The following MACROD2 variants were observed in gnomAD, a reference collection of about 807,000 sequenced individuals.
MACROD2 encodes mono-ADP ribosylhydrolase 2.
MACROD2 carries 36 observed loss-of-function variants against 70.4 expected under a neutral mutation model. That is an observed-to-expected ratio of 0.51 (90% CI 0.39 to 0.68). MACROD2 has a LOEUF of 0.68. MACROD2 is among the 30% of genes least tolerant of loss of function. MACROD2 has a pLI of 0.00. For synonymous variants in MACROD2, 172 were observed against 178.8 expected (o/e 0.96, Z 0.30); for missense variants, 496 against 538.4 (o/e 0.92, Z 0.78).
At chr20:14,190,264 T>G (rs1304800498) in intron 3 of MACROD2, among the ~76,000 whole-genome samples, 1 of 152,204 alleles carries the variant, frequency 6.6e-6, no homozygotes, top group Non-Finnish European at 1.5e-5. Context: ...AGTTCTTTTA[T>G]TTACCAATGA....
At chr20:15,293,455 C>T (rs774823607) in intron 6 of MACROD2, among the ~76,000 whole-genome samples, 24 of 152,272 alleles carry the variant, frequency 1.6e-4, no homozygotes, top group Middle Eastern at 3.4e-3. Flanking sequence ...ATCAGCACTT[C>T]GGACACTTCT....
intron 5 of MACROD2, among the ~76,000 whole-genome samples, chr20:14,979,653 C>T (rs2074778851): frequency 6.6e-6 from 1 of 152,160 alleles, no homozygotes; most frequent in Admixed American, 6.5e-5. Context: ...AATGTTTGAT[C>T]ACAAGTTTTT....
intron 4 of MACROD2, among the ~76,000 whole-genome samples, chr20:14,566,120 A>G (rs1979783717): frequency 6.6e-6 from 1 of 152,032 alleles, no homozygotes; most frequent in South Asian, 2.1e-4. Context: ...AACTCGTGTG[A>G]TAAATATAGG....
At chr20:14,928,026 A>C (rs1048356376) in intron 5 of MACROD2, among the ~76,000 whole-genome samples, 1 of 152,240 alleles carries the variant, frequency 6.6e-6, no homozygotes, top group Non-Finnish European at 1.5e-5. Flanking sequence ...GATGTGCTGC[A>C]TTTCTGCAAT....
chr20:14,322,780 G>A (rs2082676719), intron 3 of MACROD2, among the ~76,000 whole-genome samples: 1 of 152,086 alleles, frequency 6.6e-6, no homozygotes, highest in Admixed American at 6.6e-5. Flanking sequence ...CATAATAATA[G>A]TAGTAACTTG....
At chr20:15,201,692 T>C (rs2076657352) in intron 5 of MACROD2, among the ~76,000 whole-genome samples, 1 of 152,196 alleles carries the variant, frequency 6.6e-6, no homozygotes, top group African/African-American at 2.4e-5. Context: ...TTAATTATTT[T>C]TCCCCTTACC....
At chr20:14,506,776 C>G (rs1442372740) in intron 4 of MACROD2, among the ~76,000 whole-genome samples, 1 of 152,106 alleles carries the variant, frequency 6.6e-6, no homozygotes, top group Non-Finnish European at 1.5e-5. Context: ...CAGTGAAACC[C>G]TGCCTCCACT....
chr20:15,871,061 AG>A (rs2064574158), intron 9 of MACROD2, among the ~76,000 whole-genome samples: 1 of 151,396 alleles, frequency 6.6e-6, no homozygotes, highest in African/African-American at 2.4e-5. Context: ...CTGTAGTCCC[AG>A]CTACTCGGGA....
chr20:14,081,399 G>A (rs2053993039), intron 2 of MACROD2, among the ~76,000 whole-genome samples: 1 of 152,134 alleles, frequency 6.6e-6, no homozygotes. Context: ...TGTTTTTACT[G>A]CTTTAATCAC....
chr20:14,674,811 C>T (rs547561880), intron 4 of MACROD2, among the ~76,000 whole-genome samples: 1 of 152,086 alleles, frequency 6.6e-6, no homozygotes, highest in Non-Finnish European at 1.5e-5. Flanking sequence ...TTTAAAGAAC[C>T]CTGTTGTATC....
chr20:15,375,369 T>C (rs1418529921), intron 6 of MACROD2, among the ~76,000 whole-genome samples: 1 of 152,140 alleles, frequency 6.6e-6, no homozygotes, highest in Non-Finnish European at 1.5e-5. Flanking sequence ...GCCTCCCCAA[T>C]TCCAGCTAGT....
At chr20:14,234,655 C>G (rs2081295558) in intron 3 of MACROD2, among the ~76,000 whole-genome samples, 1 of 151,974 alleles carries the variant, frequency 6.6e-6, no homozygotes, top group Non-Finnish European at 1.5e-5. Context: ...TTCTATTGTT[C>G]TAGTTCTTTC....
At chr20:14,178,851 C>G (rs1201862453) in intron 3 of MACROD2, among the ~76,000 whole-genome samples, 1 of 151,710 alleles carries the variant, frequency 6.6e-6, no homozygotes, top group Non-Finnish European at 1.5e-5. Flanking sequence ...TAACTTCCCC[C>G]TTTATCTCTG....
chr20:14,834,752 A>C (rs544770099), intron 5 of MACROD2, among the ~76,000 whole-genome samples: 1 of 152,110 alleles, frequency 6.6e-6, no homozygotes, highest in East Asian at 1.9e-4. Flanking sequence ...GTTAGATTTC[A>C]GTGTTATCAG....
intron 2 of MACROD2, among the ~76,000 whole-genome samples, chr20:14,044,311 G>A (rs6131548): frequency 0.11 from 17,059 of 152,160 alleles, 1,125 homozygotes; most frequent in Admixed American, 0.18. Flanking sequence ...GCAGACCTTC[G>A]CGGTGAGTGT....
chr20:15,873,504 T>TA (rs1372244368), intron 9 of MACROD2, among the ~76,000 whole-genome samples: 1 of 152,224 alleles, frequency 6.6e-6, no homozygotes, highest in African/African-American at 2.4e-5. Flanking sequence ...ATAACCCTTG[T>TA]ACATTTTTAT....
At chr20:14,807,705 G>A (rs1179703273) in intron 5 of MACROD2, among the ~76,000 whole-genome samples, 2 of 152,114 alleles carry the variant, frequency 1.3e-5, no homozygotes, top group African/African-American at 2.4e-5. Flanking sequence ...TAAAAGGTTA[G>A]AGGAACGGCT....
At position 15,547,240 on chromosome 20, in the gene MACROD2, G is replaced by A. The variant is rs560533333; in HGVS notation, c.645+47393G>A. Among the ~76,000 whole-genome samples the A allele has an allele frequency of 1.7e-4, 26 of 152,290 alleles. 1 individual carries two copies. In the South Asian group the frequency reaches 5.4e-3, roughly 32 times the overall value. On this transcript the variant is annotated intron_variant, in intron 8 of 17. Coordinates refer to ENST00000684519, the MANE Select transcript of MACROD2 (RefSeq NM_001351661.2). ...TGACTCATAAATGTCAGTACATGGT[G>A]GAGGTTGCCTCATCTCACAAATTTC...
At chr20:15,202,926 A>G (rs574180630) in intron 5 of MACROD2, among the ~76,000 whole-genome samples, 1 of 152,260 alleles carries the variant, frequency 6.6e-6, no homozygotes, top group South Asian at 2.1e-4. Flanking sequence ...ATCTACTGGC[A>G]TGGACTACTG....
Sources: gnomAD v4.1 joint callset for allele counts (sites outside exome capture counted in the v4.1 genomes callset) on GRCh38, gnomAD v4.1.1 for gene constraint, MANE v1.5 for transcripts, NCBI Gene and HGNC (gene_info 2026-07-23, HGNC 2026-07-21) for gene names.